The following NDST3 variants were observed in gnomAD, a reference collection of about 807,000 sequenced individuals.
The protein encoded by NDST3 is bifunctional heparan sulfate N-deacetylase/N-sulfotransferase 3.
NDST3 carries 58 observed loss-of-function variants against 96.1 expected under a neutral mutation model. The ratio of observed to expected loss-of-function variants is 0.60; its 90% CI spans 0.49 to 0.75. NDST3 has a LOEUF of 0.75. Ranked by LOEUF, NDST3 falls within the 30% of genes least tolerant of loss-of-function variation. The probability of loss-of-function intolerance (pLI) is 0.00; values close to 1 mark genes in which losing one functional copy is unlikely to be tolerated. For synonymous variants in NDST3, 333 were observed against 359.7 expected, an observed-to-expected ratio of 0.93 and a Z score of 0.84; for missense variants, 788 against 1,034.2, an observed-to-expected ratio of 0.76 and a Z score of 3.27.
intron 13 of NDST3, among the ~76,000 whole-genome samples, chr4:118,255,257 G>T (rs1273524406): frequency 6.6e-6 from 1 of 152,120 alleles, no homozygotes; most frequent in Non-Finnish European, 1.5e-5. Context: ...TCCATATTGG[G>T]TTTATTTAAG....
chr4:118,061,043 A>C (rs1430968836), intron 2 of NDST3, among the ~76,000 whole-genome samples: 1 of 152,158 alleles, frequency 6.6e-6, no homozygotes, highest in Non-Finnish European at 1.5e-5. Context: ...GCAGACAGTC[A>C]TGCCATTGAC....
chr4:118,251,124 TA>T (rs1435210614), intron 12 of NDST3, among the ~76,000 whole-genome samples: 21 of 91,462 alleles, frequency 2.3e-4, no homozygotes, highest in Non-Finnish European at 4.6e-4. Context: ...TTATTATTTT[TA>T]TTTTATTTTT....
At chr4:118,232,072 C>A (rs1233310187) in intron 8 of NDST3, among the ~76,000 whole-genome samples, 1 of 151,944 alleles carries the variant, frequency 6.6e-6, no homozygotes, top group African/African-American at 2.4e-5. Context: ...GCAATTTAAA[C>A]AATTTTTGAC....
At chr4:118,055,100 T>G in intron 2 of NDST3, 1 of 637,722 alleles carries the variant, frequency 1.6e-6, no homozygotes, top group Non-Finnish European at 2.7e-6. Flanking sequence ...ACTAAAAGAT[T>G]GAGTGTGGCA....
chr4:118,251,390 T>C (rs1741727173), intron 12 of NDST3, among the ~76,000 whole-genome samples: 2 of 152,122 alleles, frequency 1.3e-5, no homozygotes, highest in African/African-American at 4.8e-5. Flanking sequence ...CCTTATAATT[T>C]TAGCTATAAA....
chr4:118,158,025 G>A (rs759120358), intron 6 of NDST3, among the ~76,000 whole-genome samples: 3 of 151,978 alleles, frequency 2.0e-5, no homozygotes, highest in African/African-American at 4.8e-5. Flanking sequence ...AAAAATAAAT[G>A]AATATATTGA....
intron 6 of NDST3, among the ~76,000 whole-genome samples, chr4:118,149,663 A>G (rs577233605): frequency 2.0e-5 from 3 of 150,828 alleles, no homozygotes; most frequent in Admixed American, 6.7e-5. Context: ...GGGCTGAGAC[A>G]ATGGGGTTTT....
chr4:118,166,981 A>G (rs1735594628), intron 6 of NDST3, among the ~76,000 whole-genome samples: 1 of 151,864 alleles, frequency 6.6e-6, no homozygotes, highest in African/African-American at 2.4e-5. Context: ...CGTGAGGAAC[A>G]AGGCAAGGAC....
In NDST3 at chr4:118,114,835, T is replaced by C; in HGVS notation, c.1099T>C (p.Cys367Arg). The C allele has an allele frequency of 6.2e-7, 1 of 1,613,996 alleles. No homozygotes were observed. Among genetic ancestry groups the C allele is most frequent in the Non-Finnish European group, 8.5e-7 (1 of 1,179,874 alleles). ...TGAAGAGGAAGATGAAGGAGATGACTGTCTGTTGGGGTCTGTGGATGAGTT... is the reference window on the plus strand; with the variant it reads ...TGAAGAGGAAGATGAAGGAGATGACCGTCTGTTGGGGTCTGTGGATGAGTT... ...GTEEEDEGDD[C>R]LLGSVDEFWW... The change falls in exon 4 of 14, where the codon TGT (cysteine) becomes CGT (arginine). Residue 367 changes from cysteine (C) to arginine (R), a missense_variant. Transcript: ENST00000296499.
At chr4:118,091,825 T>C (rs1418708086) in intron 2 of NDST3, among the ~76,000 whole-genome samples, 1 of 151,900 alleles carries the variant, frequency 6.6e-6, no homozygotes. Context: ...ATTTGTATTA[T>C]AATTGACTTC....
At chr4:118,182,913 C>T (rs1736695437) in intron 6 of NDST3, among the ~76,000 whole-genome samples, 2 of 152,244 alleles carry the variant, frequency 1.3e-5, no homozygotes, top group South Asian at 2.1e-4. Context: ...GCTCCTTGCC[C>T]TGTGATTCTG....
chr4:118,258,491 CTGTAATATTCT>C lies in NDST3; in HGVS notation c.*2783_*2793del, dbSNP rs1391312479. 6.6e-6 allele frequency: 1 copy of C among 152,108 alleles called. No homozygotes were observed. The highest frequency in any genetic ancestry group is 2.4e-5 in the African/African-American group (1 of 41,434). The allele number at this position is 152,108 out of a possible 1,614,324, so 9.4% of individuals were successfully genotyped here. Reference sequence around the variant, plus strand: ...GAAATGGTTATTTCAATGTTTATAGCTGTAATATTCTTGTCATTCACATTGAATGAAAATTA... The same window carrying C: ...GAAATGGTTATTTCAATGTTTATAGCTGTCATTCACATTGAATGAAAATTA... On this transcript the variant is annotated 3_prime_UTR_variant, in exon 14 of 14. Transcript: ENST00000296499.
At chr4:118,233,625 TAC>T (rs1740453265) in intron 9 of NDST3, among the ~76,000 whole-genome samples, 1 of 152,120 alleles carries the variant, frequency 6.6e-6, no homozygotes, top group Non-Finnish European at 1.5e-5. Context: ...CTATCAACAA[TAC>T]ACAGAATTTA....
chr4:118,141,253 G>T (rs918584840), intron 5 of NDST3, among the ~76,000 whole-genome samples: 4 of 152,110 alleles, frequency 2.6e-5, no homozygotes, highest in South Asian at 4.1e-4. Flanking sequence ...CAATTCTAGG[G>T]GGCAGTCCAC....
chr4:118,067,867 C>A lies in NDST3; in HGVS notation c.981+12976C>A, dbSNP rs146484533. Among the ~76,000 whole-genome samples, 720 of 150,982 alleles carry A rather than the reference C, an allele frequency of 4.8e-3. 8 individuals carry two copies. The highest frequency in any genetic ancestry group is 0.017 in the African/African-American group (684 of 41,090). Reference sequence around the variant, plus strand: ...AGCAAACCACCACGGCACATGTATACCTATATAACAAACCTGCACGTTCTA... The same window carrying A: ...AGCAAACCACCACGGCACATGTATAACTATATAACAAACCTGCACGTTCTA... On this transcript the variant is annotated intron_variant, in intron 2 of 13. Coordinates refer to ENST00000296499, the MANE Select transcript of NDST3 (RefSeq NM_004784.3).
intron 2 of NDST3, among the ~76,000 whole-genome samples, chr4:118,065,566 A>G (rs992745909): frequency 1.3e-5 from 2 of 152,068 alleles, no homozygotes; most frequent in East Asian, 3.9e-4. Flanking sequence ...GAGACTAGAG[A>G]CTGTTTTGAA....
At chr4:118,059,488 G>A (rs896047598) in intron 2 of NDST3, among the ~76,000 whole-genome samples, 1 of 152,104 alleles carries the variant, frequency 6.6e-6, no homozygotes, top group Non-Finnish European at 1.5e-5. Flanking sequence ...GAAAATAGAA[G>A]TGGGAAGCTA....
chr4:118,154,648 A>G (rs1402873959), intron 6 of NDST3, among the ~76,000 whole-genome samples: 2 of 152,210 alleles, frequency 1.3e-5, no homozygotes, highest in Admixed American at 1.3e-4. Context: ...ACTGGAAAAG[A>G]CCAGGAAGGT....
At position 118,148,039 on chromosome 4, in the gene NDST3, C is replaced by T. The variant is rs187844230; in HGVS notation, c.1539+4355C>T. Among the ~76,000 whole-genome samples the T allele has an allele frequency of 2.9e-3, 439 of 152,294 alleles. 2 individuals carry two copies. The highest frequency in any genetic ancestry group is 9.9e-3 in the African/African-American group (413 of 41,554). On this transcript the variant is annotated intron_variant, in intron 6 of 13. Transcript: ENST00000296499. The stretch of plus-strand genomic sequence containing the variant: ...ATGGGCCAGGCGCAGTGGCTCACGC[C>T]TGTAATGTCAGCACTTTGGGAGGCC...
Sources: allele counts gnomAD v4.1 joint callset (sites outside exome capture counted in the v4.1 genomes callset), GRCh38; gene constraint gnomAD v4.1.1; transcripts MANE v1.5; gene names NCBI Gene and HGNC (gene_info 2026-07-23, HGNC 2026-07-21).